CDH23: variants seen among roughly 807,000 people sequenced by gnomAD.
CDH23 encodes cadherin related 23, also known as cadherin-23.
Under a neutral mutation model 317.1 loss-of-function variants are expected in CDH23, and 189 were observed. The ratio of observed to expected loss-of-function variants is 0.60; its 90% CI spans 0.53 to 0.67. The LOEUF (loss-of-function observed/expected upper bound fraction) is 0.67, where lower values mean the gene tolerates loss of function less well. Ranked by LOEUF, CDH23 falls within the 30% of genes least tolerant of loss-of-function variation. The pLI, the probability that CDH23 is intolerant of heterozygous loss-of-function variation, is 0.00. For synonymous variants in CDH23, 1,839 were observed against 1,876.8 expected, an observed-to-expected ratio of 0.98 and a Z score of 0.52; for missense variants, 4,401 against 4,592.4, an observed-to-expected ratio of 0.96 and a Z score of 1.20.
intron 9 of CDH23, among the ~76,000 whole-genome samples, chr10:71,581,316 G>A (rs1353246135): frequency 6.6e-6 from 1 of 152,210 alleles, no homozygotes; most frequent in Non-Finnish European, 1.5e-5. Flanking sequence ...AGAGTCCTGA[G>A]TGTCACTGAC....
Position 71,723,792 on chromosome 10 carries a change from C to T in CDH23, c.3370-253C>T, listed in dbSNP as rs76506273. ...TTCACCTTCTCCCCCAGCCTCCCTG[C>T]GAACCTGGAGGAGGATCGGGGCAGA... On this transcript the variant is annotated intron_variant, in intron 28 of 69. Coordinates refer to ENST00000224721, the MANE Select transcript of CDH23 (RefSeq NM_022124.6). Among the ~76,000 whole-genome samples the T allele has an allele frequency of 0.017, 2,661 of 152,192 alleles. 86 individuals carry two copies. Among genetic ancestry groups the T allele is most frequent in the African/African-American group, 0.058 (2,393 of 41,496 alleles).
At chr10:71,669,186 A>G (rs1864038633) in intron 14 of CDH23, among the ~76,000 whole-genome samples, 1 of 152,162 alleles carries the variant, frequency 6.6e-6, no homozygotes, top group Non-Finnish European at 1.5e-5. Context: ...AGGCTTCCTG[A>G]GGCCTTCTCC....
chr10:71,803,014 C>T lies in CDH23; in HGVS notation c.7599C>T (p.Ala2533=). Residue 2533 remains alanine, a synonymous_variant, in exon 54 of 70, where the codon GCC becomes GCT. Coordinates refer to ENST00000224721, the MANE Select transcript of CDH23 (RefSeq NM_022124.6). Reference sequence around the variant, plus strand: ...GCACCTCGGTCATCACCATGATGGCCACTGACCAGGATGAAGGTCCCAATG... The same window carrying T: ...GCACCTCGGTCATCACCATGATGGCTACTGACCAGGATGAAGGTCCCAATG... ...PAGTSVITMM[A]TDQDEGPNGE... 1 of 1,613,986 alleles carries T rather than the reference C, an allele frequency of 6.2e-7. No homozygotes were observed. Among genetic ancestry groups the T allele is most frequent in the Non-Finnish European group, 8.5e-7 (1 of 1,179,890 alleles).
At chr10:71,717,493 G>A (rs1197084302) in intron 28 of CDH23, 1 of 152,286 alleles carries the variant, frequency 6.6e-6, no homozygotes, top group East Asian at 1.9e-4. Flanking sequence ...TCCCACTGAA[G>A]ATCATCCCAT....
Position 71,799,634 on chromosome 10 carries a change from G to A in CDH23, c.7362+5G>A, listed in dbSNP as rs727502931. On this transcript the variant is annotated splice_donor_5th_base_variant and intron_variant, in intron 52 of 69. Transcript: ENST00000224721. Reference sequence around the variant, plus strand: ...TTTGCCATCAACCCCACCACGGTGAGCAGTGATGGAGGGCCTGGAATTTGG... The same window carrying A: ...TTTGCCATCAACCCCACCACGGTGAACAGTGATGGAGGGCCTGGAATTTGG... The A allele has an allele frequency of 2.5e-6, 4 of 1,614,046 alleles. No homozygotes were observed. The highest frequency in any genetic ancestry group is 2.5e-6 in the Non-Finnish European group (3 of 1,179,904).
rs1839739077 is a variant in CDH23, at chr10:71,741,744, C to G, written c.4668C>G (p.Asp1556Glu). 6.2e-7 allele frequency: 1 copy of G among 1,612,534 alleles called. No individual in the cohort carries two copies. The highest frequency in any genetic ancestry group is 8.5e-7 in the Non-Finnish European group (1 of 1,179,286). ...TCCAGGTGAGAGCCACTGACCGTGACATCGGGATCAACAGTGTTCTGTCCT... is the reference window on the plus strand; with the variant it reads ...TCCAGGTGAGAGCCACTGACCGTGAGATCGGGATCAACAGTGTTCTGTCCT... The part of the protein sequence containing the change: ...AVVQVRATDR[D>E]IGINSVLSYY... Residue 1556 changes from aspartate to glutamate, a missense_variant, in exon 38 of 70, where the codon GAC becomes GAG. By Grantham distance (45) the Asp-to-Glu change is conservative. Coordinates refer to ENST00000224721, the MANE Select transcript of CDH23 (RefSeq NM_022124.6).
chr10:71,439,801 C>T (rs1564580620), intron 1 of CDH23, 26 bp from the exon 2 acceptor site: 10 of 1,540,110 alleles, frequency 6.5e-6, no homozygotes, highest in South Asian at 1.2e-5. Flanking sequence ...AGCTTCTCAC[C>T]CTCTTCTCTT....
At chr10:71,735,338 A>AG (rs1233785193) in intron 34 of CDH23, among the ~76,000 whole-genome samples, 2 of 151,952 alleles carry the variant, frequency 1.3e-5, no homozygotes, top group Non-Finnish European at 2.9e-5. Context: ...CCCCTGGGGG[A>AG]GGGGGGCCCA....
intron 6 of CDH23, among the ~76,000 whole-genome samples, chr10:71,551,528 C>T (rs1034721541): frequency 2.6e-5 from 4 of 152,172 alleles, no homozygotes; most frequent in African/African-American, 4.8e-5. Context: ...AAGATACCTT[C>T]TTGAGGTTCT....
intron 9 of CDH23, among the ~76,000 whole-genome samples, chr10:71,580,181 AC>A (rs1202431353): frequency 4.6e-5 from 7 of 151,842 alleles, no homozygotes; most frequent in African/African-American, 1.5e-4. Context: ...CCACCTCTCT[AC>A]TCTATCCTTC....
chr10:71,503,092 T>C (rs1429435995), intron 3 of CDH23, among the ~76,000 whole-genome samples: 1 of 152,252 alleles, frequency 6.6e-6, no homozygotes, highest in Non-Finnish European at 1.5e-5. Flanking sequence ...GCTGTGATTG[T>C]CCACCCCTTG....
intron 6 of CDH23, among the ~76,000 whole-genome samples, chr10:71,545,150 C>G (rs1484278847): frequency 6.6e-6 from 1 of 152,210 alleles, no homozygotes; most frequent in Non-Finnish European, 1.5e-5. Flanking sequence ...TCACCCCAGC[C>G]TTTCCTGGGG....
Position 71,740,789 on chromosome 10 carries a change from T to G in CDH23, c.4489-33T>G, listed in dbSNP as rs186090686. On this transcript the variant is annotated intron_variant, in intron 36 of 69. Transcript: ENST00000224721. ...ATTCCCAATCCTGCCCGCCACGCTT[T>G]AGCCCTGACTCCAGTTGCCCTCCTC... 179 of 1,613,274 alleles carry G rather than the reference T, an allele frequency of 1.1e-4. 3 individuals carry two copies. In the African/African-American group the frequency reaches 2.1e-3, roughly 19 times the overall value.
intron 28 of CDH23, chr10:71,716,895 T>A (rs1866276607): frequency 6.6e-6 from 1 of 152,264 alleles, no homozygotes; most frequent in African/African-American, 2.4e-5. Flanking sequence ...GTGCCTGAAT[T>A]CTCTTGAAAT....
intron 22 of CDH23, among the ~76,000 whole-genome samples, chr10:71,696,590 C>T (rs1403707379): frequency 1.3e-5 from 2 of 152,244 alleles, no homozygotes; most frequent in Non-Finnish European, 2.9e-5. Flanking sequence ...AGGGGGCACC[C>T]ACACACCAGC....
Position 71,809,200 on chromosome 10 carries a change from ACT to A in CDH23, c.8723-616_8723-615del, listed in dbSNP as rs143284435. 2.6e-3 allele frequency among the ~76,000 whole-genome samples: 229 copies of A among 87,024 alleles called. 1 individual carries two copies. The highest frequency in any genetic ancestry group is 9.9e-3 in the African/African-American group (221 of 22,420). The allele number at this position is 87,024 out of a possible 152,430, so 57.1% of individuals were successfully genotyped here. On this transcript the variant is annotated intron_variant, in intron 60 of 69. Coordinates refer to ENST00000224721, the MANE Select transcript of CDH23 (RefSeq NM_022124.6). ...TTTTTTTTTTTTTTTTTGGTGATAG[ACT>A]CTCACTCTGTTTGTTGCCCAGGCTG...
At chr10:71,636,538 G>A (rs1403140637) in intron 11 of CDH23, among the ~76,000 whole-genome samples, 1 of 152,112 alleles carries the variant, frequency 6.6e-6, no homozygotes, top group African/African-American at 2.4e-5. Context: ...ACATTAATGG[G>A]CATTACGGGC....
intron 11 of CDH23, among the ~76,000 whole-genome samples, chr10:71,618,357 G>A (rs1269308824): frequency 1.3e-5 from 2 of 152,052 alleles, no homozygotes; most frequent in South Asian, 2.1e-4. Flanking sequence ...TCACAGGGGC[G>A]GGCGTAGGGG....
At chr10:71,731,844 C>A in intron 31 of CDH23, 143 bp from the exon 32 acceptor site, 1 of 792,380 alleles carries the variant, frequency 1.3e-6, no homozygotes, top group Non-Finnish European at 2.0e-6. Context: ...TGCTGCATCT[C>A]TGAGGATGAT....
Sources: allele counts gnomAD v4.1 joint callset (sites outside exome capture counted in the v4.1 genomes callset), GRCh38; gene constraint gnomAD v4.1.1; transcripts MANE v1.5; gene names NCBI Gene and HGNC (gene_info 2026-07-23, HGNC 2026-07-21).